The following KLRK1 variants were observed in gnomAD, a reference collection of about 807,000 sequenced individuals.
KLRK1 encodes NKG2-D type II integral membrane protein.
In KLRK1, 40 loss-of-function variants were observed where a neutral mutation model predicts 31.3. The observed-to-expected ratio is 1.28, with a 90% CI of 0.99 to 1.67. KLRK1 has a LOEUF of 1.67. Among genes scored for constraint, KLRK1 ranks in the 40% most tolerant of loss-of-function variants. The probability of loss-of-function intolerance (pLI) is 0.00; values close to 1 mark genes in which losing one functional copy is unlikely to be tolerated. For missense variants in KLRK1, 251 were observed against 260.0 expected, an observed-to-expected ratio of 0.97 and a Z score of 0.24; for synonymous variants, 77 against 77.3, an observed-to-expected ratio of 1.00 and a Z score of 0.02.
chr12:10,378,439 G>T, intron 6 of KLRK1, 115 bp downstream of exon 6: 1 of 1,487,474 alleles, frequency 6.7e-7, no homozygotes, highest in Non-Finnish European at 9.1e-7. Context: ...ATTTAGGGTT[G>T]GTATTAGAAT....
Position 10,388,811 on chromosome 12 carries a change from C to G in KLRK1, c.-1G>C, listed in dbSNP as rs371584695. 5 of 1,613,828 alleles carry G rather than the reference C, an allele frequency of 3.1e-6. No homozygotes were observed. Among genetic ancestry groups the G allele is most frequent in the African/African-American group, 1.3e-5 (1 of 74,884 alleles). On this transcript the variant is annotated 5_prime_UTR_variant, in exon 2 of 8. Transcript: ENST00000240618. ...ACCTCCGACCACGAATCCACCCCAT[C>G]AAATACTTATAAGTGCACGTCTACC...
rs1312049117 is a variant in KLRK1 at position 10,375,535 on chromosome 12, ATTG to A, written c.534-2307_534-2305del. The stretch of plus-strand genomic sequence containing the variant: ...TAATTAACCTAATTTTAACATTGAT[ATTG>A]TTGTGACTTTTTATTACATTGAAGA... On this transcript the variant is annotated intron_variant, in intron 7 of 7. Coordinates refer to ENST00000240618, the MANE Select transcript of KLRK1 (RefSeq NM_007360.4). Among the ~76,000 whole-genome samples the A allele has an allele frequency of 5.3e-5, 8 of 152,332 alleles. No individual in the cohort carries two copies. The East Asian group carries it at 1.3e-3, about 26-fold the overall frequency.
At chr12:10,374,397 CTTTTTTTTTTTTT>C in intron 7 of KLRK1, among the ~76,000 whole-genome samples, 1 of 131,860 alleles carries the variant, frequency 7.6e-6, no homozygotes, top group South Asian at 2.4e-4. Flanking sequence ...TCCTCTCTCT[CTTTTTTTTTTTTT>C]TGACAGTGTT....
At chr12:10,381,326 G>GAAAT (rs1222637838) in intron 3 of KLRK1, among the ~76,000 whole-genome samples, 1 of 151,972 alleles carries the variant, frequency 6.6e-6, no homozygotes, top group Non-Finnish European at 1.5e-5. Flanking sequence ...AAATAAAGGA[G>GAAAT]AAATACTCTT....
At chr12:10,384,997 A>C (rs948887585) in intron 3 of KLRK1, among the ~76,000 whole-genome samples, 3 of 152,068 alleles carry the variant, frequency 2.0e-5, no homozygotes, top group African/African-American at 7.2e-5. Flanking sequence ...GAAATTCAAC[A>C]TCATTCATCA....
intron 7 of KLRK1, among the ~76,000 whole-genome samples, 163 bp from the exon 8 acceptor site, chr12:10,373,394 A>G (rs908625757): frequency 2.6e-5 from 4 of 152,204 alleles, no homozygotes; most frequent in African/African-American, 9.7e-5. Flanking sequence ...GCCAACTCAG[A>G]TAATAAAAAT....
intron 7 of KLRK1, among the ~76,000 whole-genome samples, chr12:10,374,480 C>T (rs777162944): frequency 3.3e-5 from 5 of 150,610 alleles, no homozygotes; most frequent in African/African-American, 5.0e-5. Flanking sequence ...GCAACCTCCA[C>T]CTCCTGGGTT....
intron 3 of KLRK1, among the ~76,000 whole-genome samples, chr12:10,383,778 CAATATT>C (rs1371933603): frequency 8.6e-5 from 13 of 151,956 alleles, no homozygotes; most frequent in African/African-American, 3.1e-4. Context: ...TTCCAAAAGT[CAATATT>C]ATATCAAGTA....
intron 7 of KLRK1, among the ~76,000 whole-genome samples, chr12:10,375,827 TAAG>T (rs756169789): frequency 6.6e-6 from 1 of 152,204 alleles, no homozygotes; most frequent in Non-Finnish European, 1.5e-5. Context: ...ACTATATTCA[TAAG>T]ATCAGTGAAC....
At position 10,378,182 on chromosome 12, in the gene KLRK1, T is replaced by G. The variant is rs145098873; in HGVS notation, c.483A>C (p.Pro161=). The G allele has an allele frequency of 3.1e-6, 5 of 1,614,056 alleles. No individual in the cohort carries two copies. In the African/African-American group the frequency reaches 6.7e-5, roughly 22 times the overall value. The part of the protein sequence containing the change: ...SYHWMGLVHI[P]TNGSWQWEDG... ...CTTCCCACTGCCAAGATCCATTTGT[T>G]GGAATGTGTACTAGTCCCATCCAAT... is the stretch of plus-strand genomic sequence containing the variant. The change falls in exon 7 of 8, where the codon CCA becomes CCC. Residue 161 remains proline (P), a synonymous_variant. Coordinates refer to ENST00000240618, the MANE Select transcript of KLRK1 (RefSeq NM_007360.4).
chr12:10,379,713 A>G lies in KLRK1; in HGVS notation c.228T>C (p.Ala76=). Residue 76 remains alanine, a synonymous_variant, in exon 4 of 8, where the codon GCT becomes GCC. Coordinates refer to ENST00000240618, the MANE Select transcript of KLRK1 (RefSeq NM_007360.4). ...GTTGTCACTTACAGTTTAGGAATAC[A>G]GCACTCCATATTGTTACCATAATAA... ...RFIIMVTIWS[A]VFLNSLFNQE... is the part of the protein sequence containing the mutation. 1 of 1,609,778 alleles carries G rather than the reference A, an allele frequency of 6.2e-7. No individual in the cohort carries two copies. The highest frequency in any genetic ancestry group is 8.5e-7 in the Non-Finnish European group (1 of 1,178,300).
chr12:10,379,537 A>G lies in KLRK1; in HGVS notation c.242-55T>C. 4.5e-6 allele frequency: 6 copies of G among 1,331,396 alleles called. No homozygotes were observed. In the South Asian group the frequency reaches 8.8e-5, roughly 20 times the overall value. The allele number at this position is 1,331,396 out of a possible 1,614,324, so 82.5% of individuals were successfully genotyped here. On this transcript the variant is annotated intron_variant, in intron 4 of 7. Transcript: ENST00000240618. ...TTGTATTGTTAGTAACTTATAGTAT[A>G]AGCAAATATAGTTTACAAATTTCTG... is the stretch of plus-strand genomic sequence containing the variant.
chr12:10,377,411 G>A (rs137966903), intron 7 of KLRK1, among the ~76,000 whole-genome samples: 32 of 152,168 alleles, frequency 2.1e-4, no homozygotes, highest in African/African-American at 7.7e-4. Flanking sequence ...CAATAACTGG[G>A]AATTACCTAA....
intron 7 of KLRK1, among the ~76,000 whole-genome samples, chr12:10,377,882 C>T (rs539089677): frequency 2.3e-4 from 35 of 152,202 alleles, no homozygotes; most frequent in African/African-American, 7.7e-4. Context: ...ATCTGTAAAA[C>T]GAACATATTA....
chr12:10,376,033 AC>A (rs1271209962), intron 7 of KLRK1, among the ~76,000 whole-genome samples: 6 of 152,236 alleles, frequency 3.9e-5, no homozygotes, highest in Admixed American at 1.3e-4. Flanking sequence ...GCAGAAGGTC[AC>A]CTTTGAATAT....
chr12:10,375,682 C>T (rs527280011), intron 7 of KLRK1, among the ~76,000 whole-genome samples: 1 of 152,260 alleles, frequency 6.6e-6, no homozygotes, highest in Admixed American at 6.5e-5. Context: ...GCAGTAGTGA[C>T]AAAATGCTTA....
intron 3 of KLRK1, among the ~76,000 whole-genome samples, chr12:10,385,277 C>T (rs990777994): frequency 5.3e-5 from 8 of 151,700 alleles, no homozygotes; most frequent in Non-Finnish European, 1.2e-4. Context: ...GTAACGTCTG[C>T]ACCCCCATGT....
At chr12:10,386,175 A>G (rs1316896646) in intron 3 of KLRK1, among the ~76,000 whole-genome samples, 1 of 152,004 alleles carries the variant, frequency 6.6e-6, no homozygotes, top group Non-Finnish European at 1.5e-5. Context: ...ATGAGAAATA[A>G]TGATACATTT....
intron 7 of KLRK1, among the ~76,000 whole-genome samples, chr12:10,374,412 G>GTCAAAAAAAAAAA: frequency 1.5e-5 from 1 of 68,248 alleles, no homozygotes; most frequent in South Asian, 4.1e-4. Flanking sequence ...TTTTTTTTTT[G>GTCAAAAAAAAAAA]ACAGTGTTTT....
Sources: allele counts gnomAD v4.1 joint callset (sites outside exome capture counted in the v4.1 genomes callset), GRCh38; gene constraint gnomAD v4.1.1; transcripts MANE v1.5; gene names NCBI Gene and HGNC (gene_info 2026-07-23, HGNC 2026-07-21).